BTBD2: variants seen among roughly 807,000 people sequenced by gnomAD.
BTBD2 encodes BTB domain containing 2.
In BTBD2, 15 loss-of-function variants were observed where a neutral mutation model predicts 44.0. The observed-to-expected ratio is 0.34, with a 90% CI of 0.23 to 0.53. The LOEUF is 0.53. Among genes scored for constraint, BTBD2 ranks in the 20% least tolerant of loss-of-function variants. The pLI is 0.95. For synonymous variants in BTBD2, 443 were observed against 335.9 expected (o/e 1.32, Z -3.49); for missense variants, 657 against 746.4 (o/e 0.88, Z 1.39).
intron 1 of BTBD2, among the ~76,000 whole-genome samples, chr19:2,006,516 A>G (rs2016396581): frequency 6.7e-6 from 1 of 149,438 alleles, no homozygotes; most frequent in Non-Finnish European, 1.5e-5. Context: ...CAAAAAAAAA[A>G]AAAAAGAAAA....
At chr19:2,001,763 A>G (rs148213374) in intron 1 of BTBD2, among the ~76,000 whole-genome samples, 11 of 152,322 alleles carry the variant, frequency 7.2e-5, no homozygotes, top group African/African-American at 1.9e-4. Context: ...TTTGAGACGG[A>G]GTCTCGCTCT....
Position 1,987,402 on chromosome 19 carries a change from C to T in BTBD2, c.1181+98G>A, listed in dbSNP as rs1599345748. ...CGGCCCCCCCGCCGTCTTCATCATC[C>T]CTGAGTTCTCCACCCCCATGCCCGG... On this transcript the variant is annotated intron_variant, in intron 6 of 8. Transcript: ENST00000255608. The T allele has an allele frequency of 4.4e-6, 6 of 1,375,360 alleles. No individual in the cohort carries two copies. The East Asian group carries it at 1.3e-4, about 30-fold the overall frequency. The allele number at this position is 1,375,360 out of a possible 1,614,324, so 85.2% of individuals were successfully genotyped here.
Position 1,990,823 on chromosome 19 carries a change from C to T in BTBD2, c.685-1G>A, listed in dbSNP as rs2016166261. ...GCTGCGGTTCATCGAAGAGTCGCGC[C>T]TGGCAAGAGACATCGACGGGGGGCG... On this transcript the variant is annotated splice_acceptor_variant, in intron 3 of 8. Transcript: ENST00000255608. LOFTEE classifies it high-confidence loss of function. The T allele has an allele frequency of 1.3e-6, 2 of 1,562,626 alleles. No homozygotes were observed. The highest frequency in any genetic ancestry group is 1.7e-6 in the Non-Finnish European group (2 of 1,156,806).
chr19:1,987,018 G>T (rs1375089402), intron 7 of BTBD2, 42 bp from the exon 8 acceptor site: 1 of 1,599,640 alleles, frequency 6.3e-7, no homozygotes, highest in African/African-American at 1.3e-5. Flanking sequence ...CCTGGGGAGG[G>T]CCAACGGGGA....
Position 1,990,296 on chromosome 19 carries a change from CG to C in BTBD2, c.791-96del. The C allele has an allele frequency of 2.1e-6, 3 of 1,414,488 alleles. No homozygotes were observed. In the South Asian group the frequency reaches 3.9e-5, roughly 18 times the overall value. The allele number at this position is 1,414,488 out of a possible 1,614,324, so 87.6% of individuals were successfully genotyped here. A position where few individuals can be genotyped will look rare whatever the true frequency, so the allele number is the denominator to read the frequency against. ...TAACGTGAGGACCAGCAGTTAAAGC[CG>C]GGCTGGCAACTATGGCCCGTGGCCC... On this transcript the variant is annotated intron_variant, in intron 4 of 8. Transcript: ENST00000255608.
At chr19:2,003,773 G>GA (rs55653804) in intron 1 of BTBD2, among the ~76,000 whole-genome samples, 36 of 122,522 alleles carry the variant, frequency 2.9e-4, no homozygotes, top group East Asian at 1.4e-3. Flanking sequence ...CTCCGTCAAA[G>GA]AAAAAAAAAA....
intron 1 of BTBD2, among the ~76,000 whole-genome samples, chr19:2,004,486 G>A (rs537056934): frequency 1.3e-4 from 20 of 151,814 alleles, no homozygotes; most frequent in African/African-American, 4.1e-4. Context: ...TAGTAGAGAC[G>A]GGGTTTCTCC....
intron 1 of BTBD2, among the ~76,000 whole-genome samples, chr19:2,007,525 T>C (rs561398299): frequency 6.6e-6 from 1 of 152,294 alleles, no homozygotes; most frequent in South Asian, 2.1e-4. Flanking sequence ...GGTACCAAAC[T>C]CTTGGCTTCA....
intron 1 of BTBD2, among the ~76,000 whole-genome samples, chr19:1,999,628 T>C (rs562346051): frequency 9.9e-5 from 15 of 150,834 alleles, no homozygotes; most frequent in African/African-American, 3.4e-4. Context: ...ACTGCGCCAC[T>C]GCACTCCAGC....
intron 3 of BTBD2, among the ~76,000 whole-genome samples, chr19:1,992,266 A>G (rs1214428476): frequency 6.6e-6 from 1 of 151,726 alleles, no homozygotes; most frequent in Non-Finnish European, 1.5e-5. Flanking sequence ...CTAATTTATG[A>G]AATATTTTTT....
chr19:2,015,259 TGGGTCGGGGCCAGGGCTGGCG>T lies in BTBD2; in HGVS notation c.407+17_407+37del, dbSNP rs1178582185. On this transcript the variant is annotated intron_variant, in intron 1 of 8. Transcript: ENST00000255608. ...TGCAGGGCCCGGGCAGCAGGCTGGGTGGGTCGGGGCCAGGGCTGGCGGGGTCGGGGCGCCCACCTGTGCGCG... is the reference window on the plus strand; with the variant it reads ...TGCAGGGCCCGGGCAGCAGGCTGGGTGGGTCGGGGCGCCCACCTGTGCGCG... 6 of 1,468,170 alleles carry T rather than the reference TGGGTCGGGGCCAGGGCTGGCG, an allele frequency of 4.1e-6. No homozygotes were observed. In the African/African-American group the frequency reaches 4.5e-5, roughly 11 times the overall value. The allele number at this position is 1,468,170 out of a possible 1,614,324, so 90.9% of individuals were successfully genotyped here. A position where few individuals can be genotyped will look rare whatever the true frequency, so the allele number is the denominator to read the frequency against.
chr19:1,994,485 GCA>G (rs1352974036), intron 2 of BTBD2, among the ~76,000 whole-genome samples: 1 of 151,856 alleles, frequency 6.6e-6, no homozygotes, highest in Non-Finnish European at 1.5e-5. Flanking sequence ...TTTCAGCTGG[GCA>G]CAGTGGCTCA....
Position 2,013,266 on chromosome 19 carries a change from C to T in BTBD2, c.407+2031G>A, listed in dbSNP as rs186774174. Among the ~76,000 whole-genome samples, 437 of 152,316 alleles carry T rather than the reference C, an allele frequency of 2.9e-3. 2 individuals carry two copies. Among genetic ancestry groups the T allele is most frequent in the Non-Finnish European group, 4.8e-3 (327 of 68,024 alleles). The stretch of plus-strand genomic sequence containing the variant: ...CGCAGCAAGAAAACCCAGCCCCTGC[C>T]CCCGACCAATGAGGGGCAGGGTAAG... On this transcript the variant is annotated intron_variant, in intron 1 of 8. Coordinates refer to ENST00000255608, the MANE Select transcript of BTBD2 (RefSeq NM_017797.4).
intron 1 of BTBD2, among the ~76,000 whole-genome samples, chr19:2,005,362 C>A (rs1460805288): frequency 1.3e-5 from 2 of 152,270 alleles, no homozygotes; most frequent in African/African-American, 4.8e-5. Flanking sequence ...GTCACCCAGG[C>A]TGGAGTGCAG....
intron 1 of BTBD2, among the ~76,000 whole-genome samples, chr19:2,009,289 C>T (rs1225782437): frequency 1.3e-5 from 2 of 151,970 alleles, no homozygotes; most frequent in Admixed American, 1.3e-4. Context: ...ACCTCCGCCT[C>T]CCGGGTTCAA....
At chr19:2,002,319 G>A (rs993917309) in intron 1 of BTBD2, among the ~76,000 whole-genome samples, 5 of 152,190 alleles carry the variant, frequency 3.3e-5, no homozygotes, top group Admixed American at 2.0e-4. Flanking sequence ...GGGCTCAAGC[G>A]ATCCTCCCAG....
At chr19:1,991,941 A>G (rs1040158918) in intron 3 of BTBD2, 4 of 150,144 alleles carry the variant, frequency 2.7e-5, no homozygotes, top group Non-Finnish European at 5.9e-5. Flanking sequence ...TTTTTTAGCC[A>G]GGCGCGGTGG....
At chr19:2,011,400 C>T (rs1393940195) in intron 1 of BTBD2, among the ~76,000 whole-genome samples, 4 of 152,274 alleles carry the variant, frequency 2.6e-5, no homozygotes, top group Non-Finnish European at 4.4e-5. Context: ...ACCCTCAATG[C>T]GGATCTGGTC....
At chr19:1,988,497 G>A (rs865880820) in intron 5 of BTBD2, 1 of 152,234 alleles carries the variant, frequency 6.6e-6, no homozygotes, top group Non-Finnish European at 1.5e-5. Context: ...AATAACTGGT[G>A]AGAAACAGAC....
Sources: allele counts gnomAD v4.1 joint callset (sites outside exome capture counted in the v4.1 genomes callset), GRCh38; gene constraint gnomAD v4.1.1; transcripts MANE v1.5; gene names NCBI Gene and HGNC (gene_info 2026-07-23, HGNC 2026-07-21).